The following SDK1 variants were observed in gnomAD, a reference collection of about 807,000 sequenced individuals.
SDK1 encodes the protein sidekick cell adhesion molecule 1.
Under a neutral mutation model 245.5 loss-of-function variants are expected in SDK1, and 157 were observed. The observed-to-expected ratio is 0.64, with a 90% CI of 0.56 to 0.73. SDK1 has a LOEUF of 0.73. Among genes scored for constraint, SDK1 ranks in the 30% least tolerant of loss-of-function variants. The pLI is 0.00. For synonymous variants in SDK1, 1,647 were observed against 1,278.5 expected, an observed-to-expected ratio of 1.29 and a Z score of -6.15; for missense variants, 3,583 against 3,002.3, an observed-to-expected ratio of 1.19 and a Z score of -4.52.
intron 1 of SDK1, among the ~76,000 whole-genome samples, chr7:3,424,874 G>A (rs1215124668): frequency 6.6e-6 from 1 of 152,142 alleles, no homozygotes; most frequent in African/African-American, 2.4e-5. Context: ...TCCAGCCTTG[G>A]TGACAGAGCA....
At chr7:3,686,467 A>C (rs895725943) in intron 4 of SDK1, among the ~76,000 whole-genome samples, 2 of 152,206 alleles carry the variant, frequency 1.3e-5, no homozygotes, top group Admixed American at 6.5e-5. Context: ...CTGCAGTAAG[A>C]AAGTATACTC....
intron 4 of SDK1, among the ~76,000 whole-genome samples, chr7:3,810,438 C>A (rs1340980808): frequency 6.6e-6 from 1 of 152,028 alleles, no homozygotes; most frequent in Admixed American, 6.5e-5. Context: ...TCATGCCGTT[C>A]CTCTGCATAT....
chr7:3,737,113 G>A (rs991964174), intron 4 of SDK1, among the ~76,000 whole-genome samples: 35 of 152,208 alleles, frequency 2.3e-4, no homozygotes, highest in Admixed American at 3.3e-4. Context: ...TCCTTATGGC[G>A]GAATAGTATT....
chr7:3,923,463 C>A (rs183379161), intron 5 of SDK1, among the ~76,000 whole-genome samples: 10 of 152,322 alleles, frequency 6.6e-5, no homozygotes, highest in Admixed American at 3.3e-4. Flanking sequence ...GGGCTCTACT[C>A]TTCTCTCACC....
At chr7:3,673,997 A>C (rs1783806753) in intron 4 of SDK1, among the ~76,000 whole-genome samples, 1 of 152,196 alleles carries the variant, frequency 6.6e-6, no homozygotes, top group Non-Finnish European at 1.5e-5. Context: ...AGGTGACAGC[A>C]GGGAGATTTG....
chr7:4,114,104 C>G lies in SDK1; in HGVS notation c.3653C>G (p.Ser1218Ter). Residue 1218 changes from serine to a stop codon, truncating the protein, a stop_gained, in exon 25 of 45, where the codon TCA (serine) becomes TGA (stop). Transcript: ENST00000404826. LOFTEE classifies it high-confidence loss of function. Reference sequence around the variant, plus strand: ...GGCTACAGGATTAAGTACTGGCGCTCAGACCTCCAGTCCTCAGCAGTGGCC... The same window carrying G: ...GGCTACAGGATTAAGTACTGGCGCTGAGACCTCCAGTCCTCAGCAGTGGCC... ...SVGYRIKYWR[S>*]DLQSSAVAQV... 1 of 1,614,218 alleles carries G rather than the reference C, an allele frequency of 6.2e-7. No homozygotes were observed. The highest frequency in any genetic ancestry group is 8.5e-7 in the Non-Finnish European group (1 of 1,180,038).
At chr7:3,372,468 C>T (rs11981092) in intron 1 of SDK1, among the ~76,000 whole-genome samples, 74,575 of 152,016 alleles carry the variant, frequency 0.49, 19,473 homozygotes, top group South Asian at 0.62. Flanking sequence ...AATGGAAAAC[C>T]TCTGTGCTTC....
intron 4 of SDK1, among the ~76,000 whole-genome samples, chr7:3,754,716 G>T (rs1261861682): frequency 6.6e-6 from 1 of 152,090 alleles, no homozygotes; most frequent in East Asian, 1.9e-4. Flanking sequence ...CTTGTCAGTG[G>T]TAACAATAGG....
intron 34 of SDK1, among the ~76,000 whole-genome samples, chr7:4,177,183 C>G (rs1474959430): frequency 6.6e-6 from 1 of 152,190 alleles, no homozygotes; most frequent in East Asian, 1.9e-4. Flanking sequence ...GGCAGCCGTC[C>G]AAGGACGGGC....
At chr7:3,555,680 G>A (rs1004046454) in intron 1 of SDK1, among the ~76,000 whole-genome samples, 5 of 151,974 alleles carry the variant, frequency 3.3e-5, no homozygotes, top group African/African-American at 1.2e-4. Flanking sequence ...ATCTGACAAG[G>A]GATTAGTAAC....
chr7:3,686,846 A>G (rs11770104), intron 4 of SDK1, among the ~76,000 whole-genome samples: 83,766 of 151,940 alleles, frequency 0.55, 26,857 homozygotes, highest in Non-Finnish European at 0.74. Flanking sequence ...AGTTGGAATA[A>G]TTTCAGTAGG....
chr7:3,488,268 CT>C (rs1317435020), intron 1 of SDK1, among the ~76,000 whole-genome samples: 1 of 151,978 alleles, frequency 6.6e-6, no homozygotes, highest in Non-Finnish European at 1.5e-5. Flanking sequence ...GGTTTATTTG[CT>C]TTTTTCTTTT....
rs1029511037 is a variant in SDK1 at position 3,985,953 on chromosome 7, A to G, written c.1995-1233A>G. 2.6e-5 allele frequency among the ~76,000 whole-genome samples: 4 copies of G among 152,266 alleles called. No individual in the cohort carries two copies. The South Asian group carries it at 8.3e-4, about 32-fold the overall frequency. On this transcript the variant is annotated intron_variant, in intron 13 of 44. Transcript: ENST00000404826. ...GCAGTACCTGATGTCTGAGAGACCA[A>G]AAGCTGGTTAGCGGTGACCCGGGTC...
At chr7:3,772,967 T>A (rs1320466970) in intron 4 of SDK1, among the ~76,000 whole-genome samples, 1 of 152,350 alleles carries the variant, frequency 6.6e-6, no homozygotes, top group Admixed American at 6.5e-5. Context: ...ATTTCAAGAT[T>A]CTGTCTTTGT....
At chr7:3,515,191 C>A (rs948593058) in intron 1 of SDK1, among the ~76,000 whole-genome samples, 1 of 152,126 alleles carries the variant, frequency 6.6e-6, no homozygotes, top group Non-Finnish European at 1.5e-5. Flanking sequence ...TGAAGAAGAG[C>A]AGGGCTGTGC....
In SDK1 at chr7:4,217,378, GCCACCCGGAGCACCACA is replaced by G. The variant is rs1333527367; in HGVS notation, c.5540-2715_5540-2699del. 2.7e-3 allele frequency among the ~76,000 whole-genome samples: 317 copies of G among 119,130 alleles called. 3 individuals are homozygous for G. Among genetic ancestry groups the G allele is most frequent in the African/African-American group, 1.0e-2 (301 of 30,208 alleles). 78.2% of individuals were successfully genotyped at this position (119,130 alleles called of 152,430 possible). A position where few individuals can be genotyped will look rare whatever the true frequency, so the allele number is the denominator to read the frequency against. ...AGAACCAGGCCACCCGGAGCACCAG[GCCACCCGGAGCACCACA>G]CCACCCGGAGCACCAGGCCACCCGG... is the stretch of plus-strand genomic sequence containing the variant. On this transcript the variant is annotated intron_variant, in intron 38 of 44. Coordinates refer to ENST00000404826, the MANE Select transcript of SDK1 (RefSeq NM_152744.4).
At chr7:3,556,997 A>G (rs1370387162) in intron 1 of SDK1, among the ~76,000 whole-genome samples, 1 of 150,336 alleles carries the variant, frequency 6.7e-6, no homozygotes, top group African/African-American at 2.4e-5. Flanking sequence ...TAAAAATATT[A>G]AAAAATAAGG....
intron 1 of SDK1, among the ~76,000 whole-genome samples, chr7:3,427,521 C>CA (rs57827479): frequency 0.044 from 4,190 of 95,940 alleles, 88 homozygotes; most frequent in African/African-American, 0.078. Context: ...CTCCATCTCC[C>CA]AAAAAAAAAA....
chr7:4,025,890 G>A (rs750300733), intron 17 of SDK1, among the ~76,000 whole-genome samples: 2 of 152,168 alleles, frequency 1.3e-5, no homozygotes, highest in African/African-American at 4.8e-5. Context: ...GCCTTGTGAT[G>A]TCCAACAGCA....
Sources: gnomAD v4.1 joint callset for allele counts (sites outside exome capture counted in the v4.1 genomes callset) on GRCh38, gnomAD v4.1.1 for gene constraint, MANE v1.5 for transcripts, NCBI Gene and HGNC (gene_info 2026-07-23, HGNC 2026-07-21) for gene names.